The following SYNC variants were observed in gnomAD, a reference collection of about 807,000 sequenced individuals.
SYNC encodes syncoilin.
Under a neutral mutation model 49.5 loss-of-function variants are expected in SYNC, and 38 were observed. The ratio of observed to expected loss-of-function variants is 0.77; its 90% CI spans 0.59 to 1.01. The LOEUF (loss-of-function observed/expected upper bound fraction) is 1.01, where lower values mean the gene tolerates loss of function less well. Among genes scored for constraint, SYNC ranks in the 50% least tolerant of loss-of-function variants. The probability of loss-of-function intolerance (pLI) is 0.00; values close to 1 mark genes in which losing one functional copy is unlikely to be tolerated. For synonymous variants in SYNC, 201 were observed against 230.8 expected (o/e 0.87, Z 1.17); for missense variants, 579 against 580.6 (o/e 1.00, Z 0.03).
chr1:32,697,252 A>G (rs1650474527), intron 1 of SYNC, among the ~76,000 whole-genome samples: 2 of 150,516 alleles, frequency 1.3e-5, no homozygotes, highest in African/African-American at 4.9e-5. Flanking sequence ...GACCAGCCTG[A>G]CCAACATGGA....
chr1:32,702,758 G>T lies in SYNC; in HGVS notation c.-98C>A. On this transcript the variant is annotated 5_prime_UTR_variant, in exon 1 of 5. Transcript: ENST00000409190. The surrounding 1 kb of genome is among the most constrained non-coding windows in gnomAD (Gnocchi z 6.2). Reference sequence around the variant, plus strand: ...GCCCGCCGCACTGCCAGCTGCAACCGACACCGGATCCCGGCCGGCCCCGGG... The same window carrying T: ...GCCCGCCGCACTGCCAGCTGCAACCTACACCGGATCCCGGCCGGCCCCGGG... 1 of 1,002,028 alleles carries T rather than the reference G, an allele frequency of 1.0e-6. No homozygotes were observed. Among genetic ancestry groups the T allele is most frequent in the South Asian group, 4.7e-5 (1 of 21,210 alleles). The allele number at this position is 1,002,028 out of a possible 1,614,324, so 62.1% of individuals were successfully genotyped here.
Position 32,698,135 on chromosome 1 carries a change from A to G in SYNC, c.54-2091T>C, listed in dbSNP as rs571355545. Among the ~76,000 whole-genome samples the G allele has an allele frequency of 1.7e-4, 25 of 151,050 alleles. 1 individual carries two copies. In the East Asian group the frequency reaches 4.9e-3, roughly 30 times the overall value. ...CTACTCGGGAGGCTAAGGCACAAGAATCGCTTGAACCTGGGAGGCAGAGGT... is the reference window on the plus strand; with the variant it reads ...CTACTCGGGAGGCTAAGGCACAAGAGTCGCTTGAACCTGGGAGGCAGAGGT... On this transcript the variant is annotated intron_variant, in intron 1 of 4. Coordinates refer to ENST00000409190, the MANE Select transcript of SYNC (RefSeq NM_030786.3).
At position 32,702,103 on chromosome 1, in the gene SYNC, G is replaced by C. The variant is rs968521476; in HGVS notation, c.53+505C>G. On this transcript the variant is annotated intron_variant, in intron 1 of 4. Coordinates refer to ENST00000409190, the MANE Select transcript of SYNC (RefSeq NM_030786.3). This position sits in a 1 kb window ranked among gnomAD's most constrained non-coding sequence, Gnocchi z 6.2. ...AATAATCAGCCGTGCCCTGCCAGGAGGGATAGTGGGGAGGGCCCCTGGACC... is the reference window on the plus strand; with the variant it reads ...AATAATCAGCCGTGCCCTGCCAGGACGGATAGTGGGGAGGGCCCCTGGACC... Among the ~76,000 whole-genome samples the C allele has an allele frequency of 6.6e-6, 1 of 152,180 alleles. No individual in the cohort carries two copies. Among genetic ancestry groups the C allele is most frequent in the Admixed American group, 6.5e-5 (1 of 15,280 alleles).
At chr1:32,702,817 G>C (rs1302707931), upstream of SYNC, 1 of 513,950 alleles carries the variant, frequency 1.9e-6, no homozygotes, top group African/African-American at 2.1e-5. The surrounding 1 kb of genome is among the most constrained non-coding windows in gnomAD (Gnocchi z 6.2). Context: ...GCTCCTGCCG[G>C]GGGAGGAGGG....
chr1:32,697,438 CAAAA>C (rs113573501), intron 1 of SYNC, among the ~76,000 whole-genome samples: 1 of 113,956 alleles, frequency 8.8e-6, no homozygotes, highest in Admixed American at 9.4e-5. Flanking sequence ...AACTCCGTCT[CAAAA>C]AAAAAAAAAA....
chr1:32,696,058 G>T lies in SYNC; in HGVS notation c.54-14C>A. ...ACTCTTGTTTTCCTGCAAAAGAAATGATTGAAAGTGAAAGGGCAGCCACAA... is the reference window on the plus strand; with the variant it reads ...ACTCTTGTTTTCCTGCAAAAGAAATTATTGAAAGTGAAAGGGCAGCCACAA... On this transcript the variant is annotated splice_polypyrimidine_tract_variant and intron_variant, in intron 1 of 4. Coordinates refer to ENST00000409190, the MANE Select transcript of SYNC (RefSeq NM_030786.3). 3 of 1,529,386 alleles carry T rather than the reference G, an allele frequency of 2.0e-6. No individual in the cohort carries two copies. The highest frequency in any genetic ancestry group is 2.6e-6 in the Non-Finnish European group (3 of 1,142,172). The allele number at this position is 1,529,386 out of a possible 1,614,324, so 94.7% of individuals were successfully genotyped here.
intron 2 of SYNC, among the ~76,000 whole-genome samples, chr1:32,693,370 C>A (rs1650260332): frequency 6.6e-6 from 1 of 152,206 alleles, no homozygotes; most frequent in African/African-American, 2.4e-5. Flanking sequence ...CAGGCGTGAG[C>A]CACCGCTCCC....
chr1:32,698,429 G>A (rs894448078), intron 1 of SYNC, among the ~76,000 whole-genome samples: 1 of 152,080 alleles, frequency 6.6e-6, no homozygotes, highest in African/African-American at 2.4e-5. Context: ...TGAGGCAGGA[G>A]AATGGTGTGA....
rs1048082726 is a variant in SYNC at position 32,680,690 on chromosome 1, C to T, written c.*1160G>A. 2.9e-6 allele frequency: 2 copies of T among 686,382 alleles called. No homozygotes were observed. The highest frequency in any genetic ancestry group is 1.9e-5 in the African/African-American group (1 of 53,344). The allele number at this position is 686,382 out of a possible 1,614,324, so 42.5% of individuals were successfully genotyped here. A position where few individuals can be genotyped will look rare whatever the true frequency, so the allele number is the denominator to read the frequency against. ...TGGGTTTTATTTAGTATAAAACATCCATCAAACACCAGTCTCTGGCTTCTA... is the reference window on the plus strand; with the variant it reads ...TGGGTTTTATTTAGTATAAAACATCTATCAAACACCAGTCTCTGGCTTCTA... On this transcript the variant is annotated 3_prime_UTR_variant, in exon 5 of 5. Coordinates refer to ENST00000409190, the MANE Select transcript of SYNC (RefSeq NM_030786.3).
rs1553201517 is a variant in SYNC, at chr1:32,699,154, T to TTTTC, written c.54-3111_54-3110insGAAA. On this transcript the variant is annotated intron_variant, in intron 1 of 4. Coordinates refer to ENST00000409190, the MANE Select transcript of SYNC (RefSeq NM_030786.3). Reference sequence around the variant, plus strand: ...TCACTGAGAAGTGACTTTTCTTTTCTTTTTTTTTTTTTTTTTTGAGATGGA... The same window carrying TTTTC: ...TCACTGAGAAGTGACTTTTCTTTTCTTTTCTTTTTTTTTTTTTTTTTGAGATGGA... Among the ~76,000 whole-genome samples, 9 of 1,922 alleles carry TTTTC rather than the reference T, an allele frequency of 4.7e-3. No individual in the cohort carries two copies. In the East Asian group the frequency reaches 0.054, roughly 12 times the overall value. The allele number at this position is 1,922 out of a possible 152,430, so 1.3% of individuals were successfully genotyped here. A position where few individuals can be genotyped will look rare whatever the true frequency, so the allele number is the denominator to read the frequency against.
rs199767188 is a variant in SYNC at position 32,684,260 on chromosome 1, A to G, written c.1356T>C (p.Tyr452=). 8 of 1,614,222 alleles carry G rather than the reference A, an allele frequency of 5.0e-6. No individual in the cohort carries two copies. The highest frequency in any genetic ancestry group is 4.0e-5 in the African/African-American group (3 of 75,072). The part of the protein sequence containing the change: ...RLSLAEELST[Y]KAMLLPKSLE... ...TTTGTATAGCAGCAGAAACTGACTTATAAGTAGAGAGCTCTTCAGCAAGAC... is the reference window on the plus strand; with the variant it reads ...TTTGTATAGCAGCAGAAACTGACTTGTAAGTAGAGAGCTCTTCAGCAAGAC... Residue 452 remains tyrosine (Y), a splice_region_variant and synonymous_variant, in exon 3 of 5, where the codon TAT becomes TAC. Transcript: ENST00000409190.
At chr1:32,696,093 G>T in intron 1 of SYNC, 49 bp from the exon 2 acceptor site, 1 of 1,464,778 alleles carries the variant, frequency 6.8e-7, no homozygotes, top group Non-Finnish European at 9.1e-7. Flanking sequence ...ATCCCAGGAT[G>T]GTGCAATTCT....
intron 2 of SYNC, among the ~76,000 whole-genome samples, chr1:32,686,442 G>A (rs1441107856): frequency 6.6e-6 from 1 of 152,186 alleles, no homozygotes; most frequent in Non-Finnish European, 1.5e-5. Flanking sequence ...CCCAGCACTT[G>A]CATTGACAGC....
At chr1:32,690,636 T>G (rs1570910894) in intron 2 of SYNC, among the ~76,000 whole-genome samples, 1 of 136,890 alleles carries the variant, frequency 7.3e-6, no homozygotes. Flanking sequence ...AGAGCAAGAC[T>G]CCATCTCCAA....
chr1:32,696,310 A>T (rs909708985), intron 1 of SYNC, among the ~76,000 whole-genome samples: 44 of 151,962 alleles, frequency 2.9e-4, no homozygotes, highest in Admixed American at 1.8e-3. Context: ...TTTGTTCCAC[A>T]ATTATAATAA....
intron 2 of SYNC, among the ~76,000 whole-genome samples, chr1:32,687,855 A>ATTATTATTATTATTATTATTATTATTTT (rs71006359): frequency 4.4e-4 from 59 of 135,496 alleles, no homozygotes; most frequent in African/African-American, 1.5e-3. Flanking sequence ...TATTATTATT[A>ATTATTATTATTATTATTATTATTATTTT]TTATTATTTT....
intron 4 of SYNC, chr1:32,682,294 G>A (rs939807196): frequency 6.1e-6 from 1 of 164,330 alleles, no homozygotes. Flanking sequence ...GATGGCTTAT[G>A]CCTGTAATCC....
Position 32,684,261 on chromosome 1 carries a change from T to A in SYNC, c.1355A>T (p.Tyr452Phe). ...TTGTATAGCAGCAGAAACTGACTTA[T>A]AAGTAGAGAGCTCTTCAGCAAGACT... ...RLSLAEELST[Y>F]KAMLLPKSLE... is the part of the protein sequence containing the mutation. Residue 452 changes from tyrosine (Y) to phenylalanine (F), a missense_variant, in exon 3 of 5, where the codon TAT (tyrosine) becomes TTT (phenylalanine). Transcript: ENST00000409190. The A allele has an allele frequency of 6.2e-7, 1 of 1,614,240 alleles. No individual in the cohort carries two copies. Among genetic ancestry groups the A allele is most frequent in the Non-Finnish European group, 8.5e-7 (1 of 1,180,040 alleles).
chr1:32,684,852 T>G (rs1649710761), intron 2 of SYNC: 1 of 154,124 alleles, frequency 6.5e-6, no homozygotes, highest in Admixed American at 6.4e-5. Flanking sequence ...ACACAACTAG[T>G]GGAAGTCCAT....
Sources: gnomAD v4.1 joint callset for allele counts (sites outside exome capture counted in the v4.1 genomes callset) on GRCh38, gnomAD v4.1.1 for gene constraint, Gnocchi (gnomAD v3.1) non-coding constraint, MANE v1.5 for transcripts, NCBI Gene and HGNC (gene_info 2026-07-23, HGNC 2026-07-21) for gene names.